Variants in VAMP3 observed in about 807,000 individuals in gnomAD.
The protein encoded by VAMP3 is vesicle associated membrane protein 3.
Under a neutral mutation model 18.1 loss-of-function variants are expected in VAMP3, and 11 were observed. That is an observed-to-expected ratio of 0.61 (90% CI 0.38 to 1.00). VAMP3 has a LOEUF of 1.00. Ranked by LOEUF, VAMP3 falls within the 50% of genes least tolerant of loss-of-function variation. The probability of loss-of-function intolerance (pLI) is 0.01; values close to 1 mark genes in which losing one functional copy is unlikely to be tolerated. For missense variants in VAMP3, 122 were observed against 127.3 expected (o/e 0.96, Z 0.20); for synonymous variants, 49 against 43.1 (o/e 1.14, Z -0.53).
At chr1:7,774,489 A>G (rs1325704439) in intron 2 of VAMP3, among the ~76,000 whole-genome samples, 1 of 152,186 alleles carries the variant, frequency 6.6e-6, no homozygotes, top group Non-Finnish European at 1.5e-5. Flanking sequence ...TTTTGCAACC[A>G]TTACCTCTTT....
At chr1:7,771,925 CAG>C (rs759660456) in intron 1 of VAMP3, among the ~76,000 whole-genome samples, 5 of 152,230 alleles carry the variant, frequency 3.3e-5, no homozygotes, top group Non-Finnish European at 5.9e-5. Flanking sequence ...TGGTAAGACT[CAG>C]AGAATGCTAA....
intron 2 of VAMP3, among the ~76,000 whole-genome samples, chr1:7,775,609 A>G (rs1340527655): frequency 6.6e-6 from 1 of 152,226 alleles, no homozygotes; most frequent in East Asian, 1.9e-4. Context: ...TGGGCCTCCC[A>G]AAGTGCTGGG....
In VAMP3 at chr1:7,771,388, G is replaced by T; in HGVS notation, c.2+3G>T. On this transcript the variant is annotated splice_donor_region_variant and intron_variant, in intron 1 of 4. Transcript: ENST00000054666. ...GCCGCCGCCGCAGCTGCCAAAATGT[G>T]AGTGACGCTACGCGACGCGGGCGGC... 1 of 1,588,878 alleles carries T rather than the reference G, an allele frequency of 6.3e-7. No individual in the cohort carries two copies. The highest frequency in any genetic ancestry group is 8.5e-7 in the Non-Finnish European group (1 of 1,171,684).
intron 4 of VAMP3, among the ~76,000 whole-genome samples, chr1:7,778,715 T>A (rs927401148): frequency 2.6e-5 from 4 of 152,198 alleles, no homozygotes; most frequent in Non-Finnish European, 5.9e-5. Context: ...TATTTCCTTT[T>A]ATGTAATGTA....
At position 7,773,446 on chromosome 1, in the gene VAMP3, A is replaced by G. The variant is rs757330685; in HGVS notation, c.7A>G (p.Thr3Ala). 6.2e-6 allele frequency: 10 copies of G among 1,613,968 alleles called. No individual in the cohort carries two copies. Among genetic ancestry groups the G allele is most frequent in the South Asian group, 4.4e-5 (4 of 91,086 alleles). Residue 3 changes from threonine (T) to alanine (A), a missense_variant, in exon 2 of 5, where the codon ACA becomes GCA. By Grantham distance (58) the Thr-to-Ala change is moderately conservative (BLOSUM62 0). Coordinates refer to ENST00000054666, the MANE Select transcript of VAMP3 (RefSeq NM_004781.4). Reference sequence around the variant, plus strand: ...TCATGCCTTTACATGTTCCAGGTCTACAGGTCCAACTGCTGCCACTGGCAG... The same window carrying G: ...TCATGCCTTTACATGTTCCAGGTCTGCAGGTCCAACTGCTGCCACTGGCAG... MS[T>A]GPTAATGSNR...
intron 1 of VAMP3, 151 bp from the exon 2 acceptor site, chr1:7,773,291 T>G: frequency 1.6e-6 from 1 of 624,798 alleles, no homozygotes; most frequent in South Asian, 2.2e-5. Flanking sequence ...ATTAAAACTT[T>G]CGTTCATTGC....
At position 7,777,235 on chromosome 1, in the gene VAMP3, G is replaced by A. The variant is rs1438491877; in HGVS notation, c.148G>A (p.Ala50Thr). ...DQKLSELDDR[A>T]DALQAGASQF... ...GAAGCTCTCTGAGTTAGACGACCGTGCAGACGCACTGCAGGCAGGCGCTTC... is the reference window on the plus strand; with the variant it reads ...GAAGCTCTCTGAGTTAGACGACCGTACAGACGCACTGCAGGCAGGCGCTTC... Residue 50 changes from alanine (A) to threonine (T), a missense_variant, in exon 3 of 5, where the codon GCA becomes ACA. Coordinates refer to ENST00000054666, the MANE Select transcript of VAMP3 (RefSeq NM_004781.4). 6.2e-7 allele frequency: 1 copy of A among 1,613,902 alleles called. No individual in the cohort carries two copies.
intron 2 of VAMP3, chr1:7,776,590 TAGG>T (rs2097054347): frequency 6.6e-6 from 1 of 152,314 alleles, no homozygotes; most frequent in Non-Finnish European, 1.5e-5. Context: ...TTCCTGATCT[TAGG>T]GGGGAAGTCT....
At chr1:7,771,590 G>A (rs981086828) in intron 1 of VAMP3, among the ~76,000 whole-genome samples, 1 of 152,172 alleles carries the variant, frequency 6.6e-6, no homozygotes, top group Non-Finnish European at 1.5e-5. Context: ...TCGGGCGGAC[G>A]CGGAAGGGGC....
intron 4 of VAMP3, among the ~76,000 whole-genome samples, chr1:7,778,997 C>T (rs1287420785): frequency 6.6e-6 from 1 of 152,118 alleles, no homozygotes; most frequent in Non-Finnish European, 1.5e-5. Context: ...AGATCAAGAC[C>T]ATCCTGGCTA....
chr1:7,780,340 G>A lies in VAMP3; in HGVS notation c.*695G>A, dbSNP rs940036398. The A allele has an allele frequency of 6.5e-6, 1 of 152,742 alleles. No individual in the cohort carries two copies. The highest frequency in any genetic ancestry group is 1.5e-5 in the Non-Finnish European group (1 of 68,040). The allele number at this position is 152,742 out of a possible 1,614,324, so 9.5% of individuals were successfully genotyped here. ...CTATTTTGCCAAAAAGTTAAATACC[G>A]ATAAAATGGCCTTAAGTGTATTCCT... On this transcript the variant is annotated 3_prime_UTR_variant, in exon 5 of 5. Transcript: ENST00000054666.
In VAMP3 at chr1:7,780,735, G is replaced by A. The variant is rs1013178127; in HGVS notation, c.*1090G>A. On this transcript the variant is annotated 3_prime_UTR_variant, in exon 5 of 5. Transcript: ENST00000054666. ...TAACTTTGGAGTTTGTTTCCTATTTGTATTCACATTCTGCTTCCTAAATCA... is the reference window on the plus strand; with the variant it reads ...TAACTTTGGAGTTTGTTTCCTATTTATATTCACATTCTGCTTCCTAAATCA... The A allele has an allele frequency of 1.3e-5, 2 of 152,358 alleles. No individual in the cohort carries two copies. Among genetic ancestry groups the A allele is most frequent in the African/African-American group, 2.4e-5 (1 of 41,460 alleles). The allele number at this position is 152,358 out of a possible 1,614,324, so 9.4% of individuals were successfully genotyped here.
Position 7,771,347 on chromosome 1 carries a change from C to A in VAMP3, c.-37C>A. On this transcript the variant is annotated 5_prime_UTR_variant, in exon 1 of 5. Transcript: ENST00000054666. Reference sequence around the variant, plus strand: ...TCCCAACTTCGCTTCTCTGCTGACCCTCTCTCGTCGCCGCTGCCGCCGCCG... The same window carrying A: ...TCCCAACTTCGCTTCTCTGCTGACCATCTCTCGTCGCCGCTGCCGCCGCCG... 1 of 1,593,442 alleles carries A rather than the reference C, an allele frequency of 6.3e-7. No individual in the cohort carries two copies.
chr1:7,777,382 G>A (rs2097054824), intron 3 of VAMP3, 64 bp downstream of exon 3: 1 of 1,537,248 alleles, frequency 6.5e-7, no homozygotes, highest in East Asian at 2.3e-5. Flanking sequence ...GAATTAACAG[G>A]CTACAGATAA....
At chr1:7,777,706 G>A (rs1271565669) in intron 3 of VAMP3, among the ~76,000 whole-genome samples, 1 of 152,166 alleles carries the variant, frequency 6.6e-6, no homozygotes, top group African/African-American at 2.4e-5. Context: ...GCCACAGTGT[G>A]CCCAACAGAA....
chr1:7,773,756 A>G (rs528405279), intron 2 of VAMP3, among the ~76,000 whole-genome samples: 2 of 152,354 alleles, frequency 1.3e-5, no homozygotes, highest in South Asian at 4.1e-4. Flanking sequence ...GGAGAAATAA[A>G]AAATCATATG....
Position 7,773,457 on chromosome 1 carries a change from T to G in VAMP3, c.18T>G (p.Thr6=), listed in dbSNP as rs1336933153. MSTGP[T]AATGSNRRLQ... is the part of the protein sequence containing the mutation. ...CATGTTCCAGGTCTACAGGTCCAAC[T>G]GCTGCCACTGGCAGTAATCGAAGAC... Residue 6 remains threonine, a synonymous_variant, in exon 2 of 5, where the codon ACT becomes ACG. Coordinates refer to ENST00000054666, the MANE Select transcript of VAMP3 (RefSeq NM_004781.4). The G allele has an allele frequency of 6.2e-7, 1 of 1,614,182 alleles. No homozygotes were observed. The highest frequency in any genetic ancestry group is 1.1e-5 in the South Asian group (1 of 91,084).
chr1:7,773,259 T>C (rs930547815), intron 1 of VAMP3, 183 bp from the exon 2 acceptor site: 1 of 585,232 alleles, frequency 1.7e-6, no homozygotes, highest in Non-Finnish European at 3.1e-6. Context: ...TTGGAAATTA[T>C]AGAGAAATTA....
At chr1:7,777,622 A>G (rs1045968814) in intron 3 of VAMP3, among the ~76,000 whole-genome samples, 6 of 152,198 alleles carry the variant, frequency 3.9e-5, no homozygotes, top group African/African-American at 1.4e-4. Context: ...AACAGATAGG[A>G]GAGGGCTGGA....
Sources: allele counts gnomAD v4.1 joint callset (sites outside exome capture counted in the v4.1 genomes callset), GRCh38; gene constraint gnomAD v4.1.1; transcripts MANE v1.5; gene names NCBI Gene and HGNC (gene_info 2026-07-23, HGNC 2026-07-21).